The following CAMTA1 variants were observed in gnomAD, a reference collection of about 807,000 sequenced individuals.
The protein encoded by CAMTA1 is calmodulin binding transcription activator 1.
CAMTA1 carries 27 observed loss-of-function variants against 170.9 expected under a neutral mutation model. The ratio of observed to expected loss-of-function variants is 0.16; its 90% CI spans 0.12 to 0.22. The LOEUF (loss-of-function observed/expected upper bound fraction) is 0.22. Among genes scored for constraint, CAMTA1 ranks in the 10% least tolerant of loss-of-function variants. The probability of loss-of-function intolerance (pLI) is 1.00; values close to 1 mark genes in which losing one functional copy is unlikely to be tolerated. For missense variants in CAMTA1, 1,619 were observed against 2,217.2 expected (o/e 0.73, Z 5.42); for synonymous variants, 833 against 891.5 (o/e 0.93, Z 1.17).
intron 4 of CAMTA1, among the ~76,000 whole-genome samples, chr1:7,157,676 C>CA (rs1184031288): frequency 6.6e-6 from 1 of 152,160 alleles, no homozygotes; most frequent in Non-Finnish European, 1.5e-5. Flanking sequence ...CATGACCCAG[C>CA]AATTCCTCTC....
intron 3 of CAMTA1, among the ~76,000 whole-genome samples, chr1:7,073,127 T>C (rs1416932694): frequency 6.6e-6 from 1 of 151,262 alleles, no homozygotes; most frequent in Non-Finnish European, 1.5e-5. Context: ...GAAGGTAGAG[T>C]GAACAGATTT....
intron 5 of CAMTA1, among the ~76,000 whole-genome samples, chr1:7,309,755 A>G (rs1676181763): frequency 6.6e-6 from 1 of 152,064 alleles, no homozygotes; most frequent in African/African-American, 2.4e-5. Context: ...GGGTTACAAT[A>G]CATTCTTTTT....
intron 5 of CAMTA1, among the ~76,000 whole-genome samples, chr1:7,284,837 G>A (rs1281010842): frequency 6.6e-6 from 1 of 152,100 alleles, no homozygotes; most frequent in Non-Finnish European, 1.5e-5. Flanking sequence ...TCACTGATGG[G>A]GCCACTTCTC....
intron 4 of CAMTA1, among the ~76,000 whole-genome samples, chr1:7,217,020 A>G (rs947306046): frequency 2.0e-5 from 3 of 151,976 alleles, no homozygotes; most frequent in African/African-American, 7.3e-5. Flanking sequence ...CCATCCTTTT[A>G]GTTTTAGGCT....
At chr1:7,639,935 C>T (rs553501990) in intron 6 of CAMTA1, among the ~76,000 whole-genome samples, 7 of 152,224 alleles carry the variant, frequency 4.6e-5, no homozygotes, top group East Asian at 3.9e-4. Flanking sequence ...GGGGGCATCC[C>T]GCAAGCTGTG....
chr1:7,723,599 A>G (rs1171126903), intron 11 of CAMTA1, among the ~76,000 whole-genome samples: 1 of 152,170 alleles, frequency 6.6e-6, no homozygotes, highest in Non-Finnish European at 1.5e-5. Context: ...TTGTAACTTC[A>G]CAGTACAGCA....
In CAMTA1 at chr1:7,493,057, A is replaced by G. The variant is rs1425038668; in HGVS notation, c.510+25156A>G. 6.5e-5 allele frequency among the ~76,000 whole-genome samples: 6 copies of G among 92,320 alleles called. 1 individual carries two copies. The East Asian group carries it at 1.4e-3, about 21-fold the overall frequency. 60.6% of individuals were successfully genotyped at this position (92,320 alleles called of 152,430 possible). A position where few individuals can be genotyped will look rare whatever the true frequency, so the allele number is the denominator to read the frequency against. ...CACACAAACACAAACCTACATACAC[A>G]CGCGCGCACACACACAGACATACAA... On this transcript the variant is annotated intron_variant, in intron 6 of 22. Transcript: ENST00000303635.
In CAMTA1 at chr1:7,592,638, G is replaced by A. The variant is rs2150494589; in HGVS notation, c.511-47762G>A. Among the ~76,000 whole-genome samples the A allele has an allele frequency of 6.6e-6, 1 of 152,252 alleles. No homozygotes were observed. On this transcript the variant is annotated intron_variant, in intron 6 of 22. Transcript: ENST00000303635. This position sits in a 1 kb window ranked among gnomAD's most constrained non-coding sequence, Gnocchi z 4.6. Reference sequence around the variant, plus strand: ...TGCGGAATGAGTGGGGAGTGTCCAGGCGTTGCTGCATGAGTTGCCTCTGGG... The same window carrying A: ...TGCGGAATGAGTGGGGAGTGTCCAGACGTTGCTGCATGAGTTGCCTCTGGG...
intron 4 of CAMTA1, among the ~76,000 whole-genome samples, chr1:7,119,039 C>G (rs527918590): frequency 1.3e-5 from 2 of 152,176 alleles, no homozygotes; most frequent in Non-Finnish European, 2.9e-5. Flanking sequence ...CCCGGATACC[C>G]GTGCAGTTCA....
At position 7,696,029 on chromosome 1, in the gene CAMTA1, C is replaced by A. The variant is rs138775587; in HGVS notation, c.2914+18296C>A. 6.2e-4 allele frequency among the ~76,000 whole-genome samples: 95 copies of A among 152,268 alleles called. No individual in the cohort carries two copies. The South Asian group carries it at 6.4e-3, about 10-fold the overall frequency. ...GTTGCTTCCCTAAAAGGACAACTTT[C>A]CAGCTCTCATTTTCACGGGTACCTG... On this transcript the variant is annotated intron_variant, in intron 11 of 22. Coordinates refer to ENST00000303635, the MANE Select transcript of CAMTA1 (RefSeq NM_015215.4).
chr1:6,859,503 T>A (rs1663832469), intron 3 of CAMTA1, among the ~76,000 whole-genome samples: 1 of 152,244 alleles, frequency 6.6e-6, no homozygotes, highest in African/African-American at 2.4e-5. Flanking sequence ...AGAAATGTTG[T>A]ACCAGGCCAG....
intron 4 of CAMTA1, among the ~76,000 whole-genome samples, chr1:7,230,433 C>T (rs1662525001): frequency 2.1e-5 from 1 of 46,994 alleles, no homozygotes; most frequent in Admixed American, 1.8e-4. Context: ...TCTGGGCTGA[C>T]CCCCCCCCCC....
rs532248457 is a variant in CAMTA1, at chr1:6,934,968, A to G, written c.234+109758A>G. Among the ~76,000 whole-genome samples, 31 of 152,358 alleles carry G rather than the reference A, an allele frequency of 2.0e-4. No individual in the cohort carries two copies. The highest frequency in any genetic ancestry group is 2.5e-4 in the Non-Finnish European group (17 of 68,028). ...CAAGAGCAACAGATTTCCCTGCAAT[A>G]TGTTACAAGGGGAAGAAAAGACTAT... On this transcript the variant is annotated intron_variant, in intron 3 of 22. Transcript: ENST00000303635. This position sits in a 1 kb window ranked among gnomAD's most constrained non-coding sequence, Gnocchi z 4.5.
At chr1:7,764,300 C>T (rs1298550079) in intron 22 of CAMTA1, among the ~76,000 whole-genome samples, 2 of 152,156 alleles carry the variant, frequency 1.3e-5, no homozygotes, top group Non-Finnish European at 2.9e-5. Flanking sequence ...AAAGATTCAA[C>T]AGTTTTAGAG....
At chr1:7,400,280 A>G (rs921029151) in intron 5 of CAMTA1, among the ~76,000 whole-genome samples, 7 of 151,910 alleles carry the variant, frequency 4.6e-5, no homozygotes, top group African/African-American at 1.7e-4. Flanking sequence ...TTACATTTTT[A>G]ATTTTATTCA....
Position 7,745,051 on chromosome 1 carries a change from A to G in CAMTA1, c.4370+29A>G, listed in dbSNP as rs2096847256. On this transcript the variant is annotated intron_variant, in intron 17 of 22. Coordinates refer to ENST00000303635, the MANE Select transcript of CAMTA1 (RefSeq NM_015215.4). Reference sequence around the variant, plus strand: ...AGTAAAGTTACGGAGGTCACTACCCAGCATAGATTCCCGGATGTAATTGGA... The same window carrying G: ...AGTAAAGTTACGGAGGTCACTACCCGGCATAGATTCCCGGATGTAATTGGA... 9 of 1,571,774 alleles carry G rather than the reference A, an allele frequency of 5.7e-6. No homozygotes were observed. The East Asian group carries it at 2.0e-4, about 35-fold the overall frequency.
chr1:6,867,216 G>C (rs1666869906), intron 3 of CAMTA1, among the ~76,000 whole-genome samples: 2 of 151,996 alleles, frequency 1.3e-5, no homozygotes, highest in East Asian at 3.8e-4. Context: ...GATTCCTTCT[G>C]CCCACCCTTC....
At chr1:7,763,959 C>T (rs529384869) in intron 22 of CAMTA1, among the ~76,000 whole-genome samples, 3 of 152,288 alleles carry the variant, frequency 2.0e-5, no homozygotes, top group South Asian at 2.1e-4. Context: ...TGCAGAAATT[C>T]AGCAGATAGG....
intron 5 of CAMTA1, among the ~76,000 whole-genome samples, chr1:7,368,767 ATGT>A (rs2086212562): frequency 6.6e-6 from 1 of 152,162 alleles, no homozygotes; most frequent in African/African-American, 2.4e-5. Flanking sequence ...TGTTCCGCAC[ATGT>A]TGTTAAATTT....
Sources: allele counts gnomAD v4.1 joint callset (sites outside exome capture counted in the v4.1 genomes callset), GRCh38; gene constraint gnomAD v4.1.1; non-coding constraint Gnocchi (gnomAD v3.1); transcripts MANE v1.5; gene names NCBI Gene and HGNC (gene_info 2026-07-23, HGNC 2026-07-21).